Variants in ITGB3BP observed in about 807,000 individuals in gnomAD.
ITGB3BP encodes centromere protein R.
ITGB3BP carries 27 observed loss-of-function variants against 29.1 expected under a neutral mutation model. The ratio of observed to expected loss-of-function variants is 0.93; its 90% CI spans 0.68 to 1.28. The LOEUF (loss-of-function observed/expected upper bound fraction) is 1.28, where lower values mean the gene tolerates loss of function less well. Ranked by LOEUF, ITGB3BP falls within the 50% of genes most tolerant of loss-of-function variation. The pLI, the probability that ITGB3BP is intolerant of heterozygous loss-of-function variation, is 0.00. For synonymous variants in ITGB3BP, 61 were observed against 61.4 expected, an observed-to-expected ratio of 0.99 and a Z score of 0.03; for missense variants, 192 against 200.2, an observed-to-expected ratio of 0.96 and a Z score of 0.25.
upstream of ITGB3BP, chr1:63,523,260 C>T: frequency 5.5e-6 from 7 of 1,278,524 alleles, no homozygotes; most frequent in South Asian, 8.6e-5. Flanking sequence ...TCAAGCCCAC[C>T]GCGGCCGGGC....
At chr1:63,483,858 T>A (rs1259467281) in intron 3 of ITGB3BP, among the ~76,000 whole-genome samples, 3 of 152,190 alleles carry the variant, frequency 2.0e-5, no homozygotes, top group Non-Finnish European at 4.4e-5. Flanking sequence ...CTGTATAGGT[T>A]TGCAGCCTAG....
intron 7 of ITGB3BP, chr1:63,451,812 G>T (rs1188792345): frequency 6.6e-6 from 1 of 152,006 alleles, no homozygotes; most frequent in Non-Finnish European, 1.5e-5. Flanking sequence ...AATACCTCAG[G>T]AAATATAAAG....
intron 3 of ITGB3BP, among the ~76,000 whole-genome samples, chr1:63,482,901 G>A (rs1014320503): frequency 2.0e-5 from 3 of 152,042 alleles, no homozygotes; most frequent in Non-Finnish European, 2.9e-5. Flanking sequence ...TGATCTGCCC[G>A]CCTCAGCCCC....
chr1:63,447,169 A>G, intron 7 of ITGB3BP: 1 of 307,896 alleles, frequency 3.2e-6, no homozygotes, highest in Non-Finnish European at 6.1e-6. Flanking sequence ...TAGATTCTAT[A>G]TCCCTGAGGG....
chr1:63,500,076 T>C (rs1342948651), intron 2 of ITGB3BP, among the ~76,000 whole-genome samples: 1 of 152,174 alleles, frequency 6.6e-6, no homozygotes, highest in Non-Finnish European at 1.5e-5. Flanking sequence ...TGATCTTATA[T>C]ATAGAATACC....
At chr1:63,483,887 T>C (rs1294379273) in intron 3 of ITGB3BP, among the ~76,000 whole-genome samples, 3 of 152,166 alleles carry the variant, frequency 2.0e-5, no homozygotes, top group Non-Finnish European at 4.4e-5. Flanking sequence ...GGCTATACCA[T>C]ATAGCATAAA....
At chr1:63,525,507 C>T, upstream of ITGB3BP, 1 of 1,266,200 alleles carries the variant, frequency 7.9e-7, no homozygotes, top group Non-Finnish European at 1.1e-6. Flanking sequence ...ATTTGAAAGA[C>T]ATGGTGACAT....
At position 63,453,979 on chromosome 1, in the gene ITGB3BP, A is replaced by C. The variant is rs1570129722; in HGVS notation, c.428-5T>G. On this transcript the variant is annotated splice_polypyrimidine_tract_variant and splice_region_variant and intron_variant, in intron 6 of 8. Transcript: ENST00000271002. ...TTTGTTTATTCACTTTTGTCACTAA[A>C]AGAAGTAAAAATCCCATGTCAAGAA... is the stretch of plus-strand genomic sequence containing the variant. 1 of 1,544,514 alleles carries C rather than the reference A, an allele frequency of 6.5e-7. No individual in the cohort carries two copies.
chr1:63,474,816 C>T (rs985885210), intron 4 of ITGB3BP, among the ~76,000 whole-genome samples: 2 of 151,406 alleles, frequency 1.3e-5, no homozygotes, highest in African/African-American at 4.8e-5. Context: ...TGTTTATCTG[C>T]TGACCTTCCC....
chr1:63,475,551 TTTC>T lies in ITGB3BP; in HGVS notation c.254+3210_254+3212del, dbSNP rs139674951. Among the ~76,000 whole-genome samples the T allele has an allele frequency of 4.7e-3, 719 of 152,250 alleles. 15 individuals are homozygous for T. Among genetic ancestry groups the T allele is most frequent in the East Asian group, 0.033 (169 of 5,168 alleles). The stretch of plus-strand genomic sequence containing the variant: ...GCATGGGTGACAGAGCATGACTCTG[TTTC>T]TTAAGAAAAACAAAAAATCCAAGTC... On this transcript the variant is annotated intron_variant, in intron 4 of 8. Transcript: ENST00000271002.
chr1:63,473,823 C>T (rs1334395747), intron 4 of ITGB3BP, among the ~76,000 whole-genome samples: 3 of 64,126 alleles, frequency 4.7e-5, no homozygotes, highest in African/African-American at 1.2e-4. Flanking sequence ...CCCGGCCGGC[C>T]GCCCCGTCCG....
Position 63,490,135 on chromosome 1 carries a change from A to T in ITGB3BP, c.132T>A (p.Phe44Leu). The T allele has an allele frequency of 6.2e-7, 1 of 1,610,334 alleles. No homozygotes were observed. The highest frequency in any genetic ancestry group is 8.5e-7 in the Non-Finnish European group (1 of 1,177,056). Reference protein sequence around the residue: ...PTTGTCQMSLFASPTSSEEQK... With the variant: ...PTTGTCQMSLLASPTSSEEQK... ...GCTCTTCAGAACTTGTGGGAGAAGC[A>T]AATAGACTCATTTGACAAGTTCCAG... The change falls in exon 3 of 9, where the codon TTT becomes TTA. Residue 44 changes from phenylalanine (F) to leucine (L), a missense_variant. Coordinates refer to ENST00000271002, the MANE Select transcript of ITGB3BP (RefSeq NM_014288.5).
intron 8 of ITGB3BP, among the ~76,000 whole-genome samples, 173 bp from the exon 9 acceptor site, chr1:63,441,276 C>G (rs888953060): frequency 6.6e-6 from 1 of 152,150 alleles, no homozygotes; most frequent in South Asian, 2.1e-4. Flanking sequence ...GTCTCACTCT[C>G]CCCCAGGCTG....
At chr1:63,451,882 AAC>A (rs1345722389) in intron 7 of ITGB3BP, 2 of 152,112 alleles carry the variant, frequency 1.3e-5, no homozygotes, top group African/African-American at 4.8e-5. Flanking sequence ...AATAGAATAT[AAC>A]ACACAGTAGT....
intron 4 of ITGB3BP, among the ~76,000 whole-genome samples, chr1:63,468,122 T>TA (rs1645131476): frequency 6.6e-6 from 1 of 152,124 alleles, no homozygotes; most frequent in African/African-American, 2.4e-5. Context: ...TAATACATAG[T>TA]AAAAAACATG....
At chr1:63,463,249 CAAAAAAA>C (rs10693054) in intron 4 of ITGB3BP, among the ~76,000 whole-genome samples, 1 of 77,148 alleles carries the variant, frequency 1.3e-5, no homozygotes, top group Non-Finnish European at 2.3e-5. Flanking sequence ...AACTCTGTCT[CAAAAAAA>C]AAAAAAAAAA....
chr1:63,489,994 G>C, intron 3 of ITGB3BP, 89 bp downstream of exon 3: 1 of 1,121,378 alleles, frequency 8.9e-7, no homozygotes. Context: ...ATCAGCTGTA[G>C]CAAGATCCAT....
chr1:63,487,399 C>G (rs561116692), intron 3 of ITGB3BP, among the ~76,000 whole-genome samples: 1 of 152,098 alleles, frequency 6.6e-6, no homozygotes, highest in South Asian at 2.1e-4. Context: ...TTAAAAAATA[C>G]ATAAATGATA....
intron 4 of ITGB3BP, among the ~76,000 whole-genome samples, chr1:63,473,303 G>A (rs1645244956): frequency 6.6e-6 from 1 of 151,780 alleles, no homozygotes; most frequent in Non-Finnish European, 1.5e-5. Flanking sequence ...GGGAAGTGAG[G>A]AGCGTCTCCG....
Sources: gnomAD v4.1 joint callset for allele counts (sites outside exome capture counted in the v4.1 genomes callset) on GRCh38, gnomAD v4.1.1 for gene constraint, MANE v1.5 for transcripts, NCBI Gene and HGNC (gene_info 2026-07-23, HGNC 2026-07-21) for gene names.